Variants in TET2 observed in about 807,000 individuals in gnomAD.
TET2 encodes methylcytosine dioxygenase TET2.
TET2 carries 299 observed loss-of-function variants against 142.9 expected under a neutral mutation model. The observed-to-expected ratio is 2.09, with a 90% CI of 1.90 to 2.30. The LOEUF (loss-of-function observed/expected upper bound fraction) is 2.30, where lower values mean the gene tolerates loss of function less well. TET2 is among the 30% of genes most tolerant of loss of function. The pLI, the probability that TET2 is intolerant of heterozygous loss-of-function variation, is 0.00. For synonymous variants in TET2, 819 were observed against 849.0 expected (o/e 0.96, Z 0.61); for missense variants, 2,418 against 2,378.0 (o/e 1.02, Z -0.35).
At chr4:105,208,411 A>G (rs999160434) in intron 2 of TET2, among the ~76,000 whole-genome samples, 1 of 152,118 alleles carries the variant, frequency 6.6e-6, no homozygotes, top group South Asian at 2.1e-4. Flanking sequence ...ACTCCTCTGA[A>G]TTACATTTTG....
chr4:105,250,380 A>ATTTTTTTTTTTTTTTTTTT (rs59695275), intron 6 of TET2, among the ~76,000 whole-genome samples: 3 of 60,276 alleles, frequency 5.0e-5, no homozygotes, highest in Non-Finnish European at 8.4e-5. Flanking sequence ...TCCTTTCTGG[A>ATTTTTTTTTTTTTTTTTTT]TTTTTTTTTT....
At chr4:105,240,597 G>A (rs759272640) in intron 3 of TET2, 139 of 1,079,524 alleles carry the variant, frequency 1.3e-4, no homozygotes, top group Non-Finnish European at 1.5e-4. Flanking sequence ...CCCTCTTTGC[G>A]TGTGGTTATT....
chr4:105,205,887 G>A (rs1211459074), intron 2 of TET2, among the ~76,000 whole-genome samples: 1 of 152,110 alleles, frequency 6.6e-6, no homozygotes, highest in African/African-American at 2.4e-5. Context: ...ACCTGCTTCA[G>A]CCTCCTAAAG....
At chr4:105,155,975 A>G (rs913469530) in intron 1 of TET2, among the ~76,000 whole-genome samples, 2 of 152,192 alleles carry the variant, frequency 1.3e-5, no homozygotes, top group African/African-American at 4.8e-5. Flanking sequence ...AAGCAGTAAG[A>G]TAGAATTTAG....
At chr4:105,167,408 GCTACATATACA>G (rs1421650662) in intron 1 of TET2, among the ~76,000 whole-genome samples, 4 of 151,552 alleles carry the variant, frequency 2.6e-5, no homozygotes, top group Admixed American at 6.6e-5. Flanking sequence ...GTACACATAT[GCTACATATACA>G]TGTATATGTA....
intron 2 of TET2, among the ~76,000 whole-genome samples, chr4:105,214,192 A>G (rs1295401383): frequency 6.6e-6 from 1 of 151,914 alleles, no homozygotes; most frequent in African/African-American, 2.4e-5. Context: ...CATAGCTCCA[A>G]TATCCCTTTT....
At chr4:105,240,959 ATAGG>A in intron 3 of TET2, 2 of 1,083,282 alleles carry the variant, frequency 1.8e-6, no homozygotes, top group Non-Finnish European at 2.3e-6. Flanking sequence ...AATCCAAGTA[ATAGG>A]TAGGCTTCCA....
At chr4:105,239,466 T>C in intron 3 of TET2, 1 of 240,000 alleles carries the variant, frequency 4.2e-6, no homozygotes, top group East Asian at 6.4e-5. Flanking sequence ...TGCCTCACCT[T>C]GTCCTTTTAT....
intron 6 of TET2, among the ~76,000 whole-genome samples, chr4:105,248,326 A>G (rs978657598): frequency 3.3e-5 from 5 of 152,200 alleles, no homozygotes; most frequent in Non-Finnish European, 7.3e-5. Flanking sequence ...AGTTATATAA[A>G]GTTAAATTAT....
At chr4:105,172,846 A>G (rs1489455251) in intron 1 of TET2, among the ~76,000 whole-genome samples, 1 of 152,222 alleles carries the variant, frequency 6.6e-6, no homozygotes, top group African/African-American at 2.4e-5. Flanking sequence ...AAAATCTTTC[A>G]GTGAGGAAAG....
intron 1 of TET2, among the ~76,000 whole-genome samples, chr4:105,165,146 G>A (rs1161337519): frequency 3.3e-5 from 5 of 151,996 alleles, no homozygotes; most frequent in African/African-American, 9.7e-5. Flanking sequence ...AGGCCGAGGC[G>A]GGCAGATCAC....
chr4:105,268,959 T>C (rs1730820585), intron 8 of TET2, among the ~76,000 whole-genome samples: 1 of 152,016 alleles, frequency 6.6e-6, no homozygotes, highest in South Asian at 2.1e-4. Context: ...GGTGACAGAG[T>C]GGGACTCTGT....
intron 2 of TET2, among the ~76,000 whole-genome samples, chr4:105,192,403 G>A (rs1178390376): frequency 6.6e-6 from 1 of 152,022 alleles, no homozygotes; most frequent in Non-Finnish European, 1.5e-5. Context: ...ACATTTATTA[G>A]GAATGTGTTC....
chr4:105,209,265 C>T (rs1727022786), intron 2 of TET2, among the ~76,000 whole-genome samples: 3 of 151,192 alleles, frequency 2.0e-5, no homozygotes, highest in African/African-American at 7.3e-5. Flanking sequence ...ATCTGATTAA[C>T]AGTATTTGAA....
intron 2 of TET2, among the ~76,000 whole-genome samples, chr4:105,221,389 G>A (rs1727809323): frequency 6.6e-6 from 1 of 152,152 alleles, no homozygotes; most frequent in African/African-American, 2.4e-5. Flanking sequence ...CTATCTCTGA[G>A]TTAATCTGCC....
At chr4:105,160,333 TAAAAA>T (rs771186933) in intron 1 of TET2, among the ~76,000 whole-genome samples, 2 of 150,314 alleles carry the variant, frequency 1.3e-5, no homozygotes, top group African/African-American at 4.9e-5. Flanking sequence ...CAAGTTGAAA[TAAAAA>T]AAAAGGCATC....
intron 2 of TET2, among the ~76,000 whole-genome samples, chr4:105,222,331 A>C (rs1157817908): frequency 6.6e-6 from 1 of 152,154 alleles, no homozygotes; most frequent in African/African-American, 2.4e-5. Flanking sequence ...AGTCCCACCA[A>C]CAGCGTAAAA....
At chr4:105,155,006 C>CA (rs1426424941) in intron 1 of TET2, among the ~76,000 whole-genome samples, 3 of 152,078 alleles carry the variant, frequency 2.0e-5, no homozygotes, top group South Asian at 4.2e-4. Context: ...GCCTGGGTGA[C>CA]AAAATGAGAC....
chr4:105,189,891 G>C (rs1725683727), intron 1 of TET2, among the ~76,000 whole-genome samples: 1 of 152,140 alleles, frequency 6.6e-6, no homozygotes, highest in Non-Finnish European at 1.5e-5. Context: ...TTTAGTTAGT[G>C]CCACATCTCA....
Sources: gnomAD v4.1 joint callset for allele counts (sites outside exome capture counted in the v4.1 genomes callset) on GRCh38, gnomAD v4.1.1 for gene constraint, MANE v1.5 for transcripts, NCBI Gene and HGNC (gene_info 2026-07-23, HGNC 2026-07-21) for gene names.